Variants in FOXP2 observed in about 807,000 individuals in gnomAD.
FOXP2 encodes the protein forkhead box P2.
Under a neutral mutation model 115.8 loss-of-function variants are expected in FOXP2, and 12 were observed. The observed-to-expected ratio is 0.10, with a 90% CI of 0.07 to 0.17. The LOEUF (loss-of-function observed/expected upper bound fraction) is 0.17, where lower values mean the gene tolerates loss of function less well. Among genes scored for constraint, FOXP2 ranks in the 10% least tolerant of loss-of-function variants. The pLI is 1.00. For synonymous variants in FOXP2, 328 were observed against 297.7 expected (o/e 1.10, Z -1.05); for missense variants, 629 against 843.5 (o/e 0.75, Z 3.15).
chr7:114,209,246 T>A (rs1046536612), intron 1 of FOXP2, among the ~76,000 whole-genome samples: 2 of 152,180 alleles, frequency 1.3e-5, no homozygotes, highest in East Asian at 3.9e-4. Context: ...CATGTTTGCT[T>A]CCCCTTCCAC....
At chr7:114,383,712 A>G (rs13225495) in intron 2 of FOXP2, among the ~76,000 whole-genome samples, 70,986 of 151,840 alleles carry the variant, frequency 0.47, 19,425 homozygotes, top group East Asian at 0.95. Flanking sequence ...TTTCTTTCTT[A>G]GCGTCTGAGG....
intron 6 of FOXP2, among the ~76,000 whole-genome samples, chr7:114,635,459 G>A (rs1805167614): frequency 6.6e-6 from 1 of 152,054 alleles, no homozygotes; most frequent in South Asian, 2.1e-4. Context: ...GGTGCTTTAT[G>A]TGCTAAAATT....
At chr7:114,381,561 G>A (rs1455181158) in intron 2 of FOXP2, among the ~76,000 whole-genome samples, 1 of 152,168 alleles carries the variant, frequency 6.6e-6, no homozygotes, top group East Asian at 1.9e-4. Context: ...TGAGAGTCAG[G>A]ATGTACAGGG....
At chr7:114,501,331 T>C (rs2129252566) in intron 2 of FOXP2, among the ~76,000 whole-genome samples, 1 of 152,308 alleles carries the variant, frequency 6.6e-6, no homozygotes, top group African/African-American at 2.4e-5. Context: ...TGATACATCT[T>C]TATCAATACT....
At chr7:114,361,710 T>C (rs1473660186) in intron 2 of FOXP2, among the ~76,000 whole-genome samples, 1 of 152,058 alleles carries the variant, frequency 6.6e-6, no homozygotes, top group African/African-American at 2.4e-5. Flanking sequence ...ACTTTTTGCA[T>C]TGTCATTAAT....
chr7:114,642,812 A>ATATAT (rs1308357594), intron 7 of FOXP2, among the ~76,000 whole-genome samples, 189 bp downstream of exon 7: 30 of 72,428 alleles, frequency 4.1e-4, no homozygotes, highest in African/African-American at 2.0e-3. Flanking sequence ...ATATATATAT[A>ATATAT]TTTTTTTTTT....
chr7:114,444,879 A>G lies in FOXP2; in HGVS notation c.168+18200A>G, dbSNP rs75180486. Among the ~76,000 whole-genome samples, 779 of 151,712 alleles carry G rather than the reference A, an allele frequency of 5.1e-3. 3 individuals are homozygous for G. Among genetic ancestry groups the G allele is most frequent in the Non-Finnish European group, 7.5e-3 (509 of 67,770 alleles). On this transcript the variant is annotated intron_variant, in intron 2 of 16. Transcript: ENST00000350908. Reference sequence around the variant, plus strand: ...TCTTAATAGTGGTTATGTCTGGGTAACCAAGCTAGGGGTAACTTTTTCTTG... The same window carrying G: ...TCTTAATAGTGGTTATGTCTGGGTAGCCAAGCTAGGGGTAACTTTTTCTTG...
intron 3 of FOXP2, among the ~76,000 whole-genome samples, chr7:114,608,402 T>A (rs1042888841): frequency 6.6e-6 from 1 of 152,300 alleles, no homozygotes; most frequent in East Asian, 1.9e-4. Context: ...GCTACCGTCT[T>A]CATAGGCAGT....
In FOXP2 at chr7:114,493,591, C is replaced by T. The variant is rs867769536; in HGVS notation, c.169-41026C>T. ...ATCAATATCATTTATGTACAAAACA[C>T]TAAGTACATTTATACAGGGAGAAAA... On this transcript the variant is annotated intron_variant, in intron 2 of 16. Transcript: ENST00000350908. 3.9e-5 allele frequency among the ~76,000 whole-genome samples: 6 copies of T among 152,174 alleles called. No individual in the cohort carries two copies. The South Asian group carries it at 6.2e-4, about 16-fold the overall frequency.
At chr7:114,589,426 C>T (rs1391458363) in intron 3 of FOXP2, among the ~76,000 whole-genome samples, 1 of 152,148 alleles carries the variant, frequency 6.6e-6, no homozygotes, top group East Asian at 1.9e-4. Context: ...AGGATCTTCA[C>T]TTCAGGACTG....
At chr7:114,144,223 T>C (rs1390870406) in intron 1 of FOXP2, among the ~76,000 whole-genome samples, 1 of 152,134 alleles carries the variant, frequency 6.6e-6, no homozygotes, top group Non-Finnish European at 1.5e-5. Context: ...GTAAACCCAT[T>C]GTAGGTCAAG....
chr7:114,381,519 G>A (rs1258023989), intron 2 of FOXP2, among the ~76,000 whole-genome samples: 3 of 152,170 alleles, frequency 2.0e-5, no homozygotes, highest in Non-Finnish European at 4.4e-5. Flanking sequence ...TGAGACGTTG[G>A]GTTCGAAGGA....
At chr7:114,514,433 C>A (rs1798229121) in intron 2 of FOXP2, among the ~76,000 whole-genome samples, 1 of 150,766 alleles carries the variant, frequency 6.6e-6, no homozygotes, top group South Asian at 2.1e-4. Flanking sequence ...CCCCTAGCCT[C>A]TGGTAACCAC....
intron 10 of FOXP2, 70 bp downstream of exon 10, chr7:114,654,079 T>C (rs1449353926): frequency 2.5e-6 from 4 of 1,609,708 alleles, no homozygotes; most frequent in Non-Finnish European, 3.4e-6. Context: ...ATGAACAATT[T>C]AGTGACAGTT....
intron 1 of FOXP2, among the ~76,000 whole-genome samples, chr7:114,200,624 G>C (rs1794036280): frequency 6.6e-6 from 1 of 152,158 alleles, no homozygotes; most frequent in Non-Finnish European, 1.5e-5. Context: ...CTGTTGGGTA[G>C]TACAAAAGTC....
chr7:114,453,498 A>C (rs866576345), intron 2 of FOXP2, among the ~76,000 whole-genome samples: 1 of 152,088 alleles, frequency 6.6e-6, no homozygotes, highest in Non-Finnish European at 1.5e-5. Flanking sequence ...AAAACAGTTT[A>C]TTTGTATATT....
intron 1 of FOXP2, among the ~76,000 whole-genome samples, chr7:114,266,501 G>A (rs1292968857): frequency 1.3e-5 from 2 of 152,144 alleles, no homozygotes; most frequent in Non-Finnish European, 2.9e-5. Flanking sequence ...CATGGCAAAA[G>A]CAGAAGCAAG....
intron 1 of FOXP2, among the ~76,000 whole-genome samples, chr7:114,249,100 A>G (rs546412986): frequency 4.6e-5 from 7 of 152,328 alleles, no homozygotes; most frequent in Admixed American, 2.6e-4. Flanking sequence ...AGACAGCATT[A>G]TGTTCAATGA....
intron 3 of FOXP2, among the ~76,000 whole-genome samples, chr7:114,596,862 G>C (rs879899527): frequency 6.6e-6 from 1 of 152,024 alleles, no homozygotes; most frequent in Non-Finnish European, 1.5e-5. Flanking sequence ...GCACAGTCTT[G>C]TCCTGGCCTC....
Sources: allele counts gnomAD v4.1 joint callset (sites outside exome capture counted in the v4.1 genomes callset), GRCh38; gene constraint gnomAD v4.1.1; transcripts MANE v1.5; gene names NCBI Gene and HGNC (gene_info 2026-07-23, HGNC 2026-07-21).